The following LAMA2 variants were observed in gnomAD, a reference collection of about 807,000 sequenced individuals.
LAMA2 encodes laminin subunit alpha-2.
A neutral mutation model predicts 364.8 loss-of-function variants in LAMA2; 269 were observed. The observed-to-expected ratio is 0.74, with a 90% CI of 0.67 to 0.82. The LOEUF is 0.82. LAMA2 is among the 40% of genes least tolerant of loss of function. LAMA2 has a pLI of 0.00. For synonymous variants in LAMA2, 1,379 were observed against 1,370.6 expected (o/e 1.01, Z -0.14); for missense variants, 3,807 against 3,873.2 (o/e 0.98, Z 0.45).
At chr6:129,027,083 T>C (rs1183836679) in intron 1 of LAMA2, among the ~76,000 whole-genome samples, 1 of 152,028 alleles carries the variant, frequency 6.6e-6, no homozygotes, top group Non-Finnish European at 1.5e-5. Context: ...AAATTGAAAG[T>C]TAATTTCTTA....
chr6:129,413,451 T>C (rs550087512), intron 40 of LAMA2, among the ~76,000 whole-genome samples: 85 of 152,230 alleles, frequency 5.6e-4, no homozygotes, highest in African/African-American at 2.0e-3. Context: ...TAGAACTCTA[T>C]GTCAACTAGA....
At chr6:129,459,807 T>C (rs1783155026) in intron 48 of LAMA2, among the ~76,000 whole-genome samples, 1 of 152,052 alleles carries the variant, frequency 6.6e-6, no homozygotes, top group Admixed American at 6.6e-5. Context: ...TATCAGGCAC[T>C]GAGATTGGTG....
chr6:129,268,274 A>G (rs536726673), intron 16 of LAMA2, among the ~76,000 whole-genome samples: 1 of 152,162 alleles, frequency 6.6e-6, no homozygotes, highest in East Asian at 1.9e-4. Context: ...TTGAAATGAC[A>G]TTTTTATGAA....
intron 1 of LAMA2, among the ~76,000 whole-genome samples, chr6:129,020,939 A>G (rs1785413049): frequency 6.6e-6 from 1 of 152,202 alleles, no homozygotes; most frequent in Admixed American, 6.5e-5. Context: ...AACAGCCACA[A>G]ATGGAAGAAG....
chr6:128,969,918 T>C (rs149707542), intron 1 of LAMA2, among the ~76,000 whole-genome samples: 2 of 152,304 alleles, frequency 1.3e-5, no homozygotes, highest in Non-Finnish European at 2.9e-5. Context: ...GTAGCTCATG[T>C]TGCAGTTATT....
rs1248569979 is a variant in LAMA2, at chr6:129,475,461, TTAGA to T, written c.7451+63_7451+66del. The T allele has an allele frequency of 6.8e-6, 9 of 1,321,736 alleles. No homozygotes were observed. The Admixed American group carries it at 1.6e-4, about 23-fold the overall frequency. The allele number at this position is 1,321,736 out of a possible 1,614,324, so 81.9% of individuals were successfully genotyped here. A position where few individuals can be genotyped will look rare whatever the true frequency, so the allele number is the denominator to read the frequency against. On this transcript the variant is annotated intron_variant, in intron 53 of 64. Coordinates refer to ENST00000421865, the MANE Select transcript of LAMA2 (RefSeq NM_000426.4). Reference sequence around the variant, plus strand: ...GCATGGGTTGGGTAAATGTGGCTTCTTAGATAAAGCAGCCGTGCAGAAGCAGAGC... The same window carrying T: ...GCATGGGTTGGGTAAATGTGGCTTCTTAAAGCAGCCGTGCAGAAGCAGAGC...
intron 4 of LAMA2, among the ~76,000 whole-genome samples, chr6:129,129,902 C>A (rs1266253223): frequency 1.5e-5 from 2 of 129,170 alleles, no homozygotes; most frequent in Admixed American, 9.0e-5. Flanking sequence ...CCAGCCTGGG[C>A]GACAGAGCGA....
At chr6:129,448,756 T>C (rs994118273) in intron 45 of LAMA2, among the ~76,000 whole-genome samples, 3 of 152,222 alleles carry the variant, frequency 2.0e-5, no homozygotes, top group Non-Finnish European at 2.9e-5. Flanking sequence ...GCCTTAAAGA[T>C]ACTTAATGCT....
chr6:128,962,756 T>G (rs937630179), intron 1 of LAMA2, among the ~76,000 whole-genome samples: 1 of 152,194 alleles, frequency 6.6e-6, no homozygotes, highest in African/African-American at 2.4e-5. Flanking sequence ...ATCACAACTG[T>G]GATTAATTAC....
At chr6:129,006,838 C>G (rs1474760487) in intron 1 of LAMA2, among the ~76,000 whole-genome samples, 1 of 152,138 alleles carries the variant, frequency 6.6e-6, no homozygotes, top group Non-Finnish European at 1.5e-5. Context: ...ATTTTATGCT[C>G]CTGTCATGCT....
At chr6:129,021,170 G>C (rs2114714242) in intron 1 of LAMA2, among the ~76,000 whole-genome samples, 1 of 152,142 alleles carries the variant, frequency 6.6e-6, no homozygotes, top group Admixed American at 6.5e-5. Flanking sequence ...CCCAGCTTTT[G>C]AGTCACAGTT....
chr6:129,146,461 T>C (rs1380884913), intron 5 of LAMA2, among the ~76,000 whole-genome samples: 1 of 152,038 alleles, frequency 6.6e-6, no homozygotes, highest in Non-Finnish European at 1.5e-5. Context: ...CTTTTTAATT[T>C]TCTTCTTAAT....
intron 4 of LAMA2, among the ~76,000 whole-genome samples, chr6:129,142,090 T>C (rs1379460363): frequency 6.6e-6 from 1 of 152,074 alleles, no homozygotes; most frequent in Non-Finnish European, 1.5e-5. Flanking sequence ...TATGCAGATA[T>C]ACAATTTATT....
intron 1 of LAMA2, among the ~76,000 whole-genome samples, chr6:128,945,123 A>G (rs1258467588): frequency 6.6e-6 from 1 of 152,208 alleles, no homozygotes; most frequent in Non-Finnish European, 1.5e-5. Context: ...AAGATATACC[A>G]GTTGTTTTCA....
intron 1 of LAMA2, among the ~76,000 whole-genome samples, chr6:128,949,422 C>G (rs1780673328): frequency 6.7e-6 from 1 of 150,262 alleles, no homozygotes; most frequent in Non-Finnish European, 1.5e-5. Flanking sequence ...GATGAATTAA[C>G]CCTATCGAAG....
At chr6:129,258,026 C>T (rs1354075950) in intron 14 of LAMA2, among the ~76,000 whole-genome samples, 2 of 152,050 alleles carry the variant, frequency 1.3e-5, no homozygotes. Context: ...ACCCATCCGT[C>T]CACCCATCCA....
chr6:129,514,224 T>TA (rs1786839918), intron 63 of LAMA2, 149 bp from the exon 64 acceptor site: 1 of 695,886 alleles, frequency 1.4e-6, no homozygotes, highest in Non-Finnish European at 2.6e-6. Flanking sequence ...TTGTCAAGTT[T>TA]TAAAATTTTT....
intron 1 of LAMA2, among the ~76,000 whole-genome samples, chr6:129,033,767 G>A (rs984595446): frequency 1.2e-4 from 19 of 152,148 alleles, no homozygotes; most frequent in African/African-American, 4.3e-4. Context: ...CATATGTTCC[G>A]CTGATATTGA....
In LAMA2 at chr6:129,422,609, A is replaced by G. The variant is rs966767415; in HGVS notation, c.5866-5143A>G. Among the ~76,000 whole-genome samples the G allele has an allele frequency of 2.6e-4, 39 of 152,276 alleles. 1 individual carries two copies. Among genetic ancestry groups the G allele is most frequent in the African/African-American group, 8.7e-4 (36 of 41,544 alleles). On this transcript the variant is annotated intron_variant, in intron 40 of 64. Coordinates refer to ENST00000421865, the MANE Select transcript of LAMA2 (RefSeq NM_000426.4). ...TGGCAATAATTCAACAATTTGGATA[A>G]AAAGGGCAAATTCTTTGAAAATCAC...
Sources: gnomAD v4.1 joint callset for allele counts (sites outside exome capture counted in the v4.1 genomes callset) on GRCh38, gnomAD v4.1.1 for gene constraint, MANE v1.5 for transcripts, NCBI Gene and HGNC (gene_info 2026-07-23, HGNC 2026-07-21) for gene names.